The following COL12A1 variants were observed in gnomAD, a reference collection of about 807,000 sequenced individuals.
COL12A1 encodes collagen type XII alpha 1 chain, also known as collagen alpha-1(XII) chain.
In COL12A1, 114 loss-of-function variants were observed where a neutral mutation model predicts 349.7. The ratio of observed to expected loss-of-function variants is 0.33; its 90% CI spans 0.28 to 0.38. The LOEUF (loss-of-function observed/expected upper bound fraction) is 0.38, where lower values mean the gene tolerates loss of function less well. COL12A1 is among the 10% of genes least tolerant of loss of function. COL12A1 has a pLI of 1.00. For synonymous variants in COL12A1, 1,369 were observed against 1,329.0 expected, an observed-to-expected ratio of 1.03 and a Z score of -0.66; for missense variants, 3,284 against 3,756.9, an observed-to-expected ratio of 0.87 and a Z score of 3.29.
chr6:75,176,394 G>A (rs1177873157), intron 12 of COL12A1, among the ~76,000 whole-genome samples: 1 of 151,336 alleles, frequency 6.6e-6, no homozygotes, highest in African/African-American at 2.4e-5. Context: ...TGCAGTGGGA[G>A]GTGGGAGAGT....
At chr6:75,110,993 CTTAGA>C (rs1361524587) in intron 51 of COL12A1, among the ~76,000 whole-genome samples, 3 of 151,876 alleles carry the variant, frequency 2.0e-5, no homozygotes, top group African/African-American at 7.2e-5. Context: ...GATGCTAGAT[CTTAGA>C]TTAAACTGAT....
chr6:75,188,183 G>T (rs1483464519), intron 8 of COL12A1, among the ~76,000 whole-genome samples, 179 bp downstream of exon 8: 1 of 151,742 alleles, frequency 6.6e-6, no homozygotes, highest in Non-Finnish European at 1.5e-5. Context: ...TCCACTAGAA[G>T]GAAAAACAAT....
chr6:75,108,579 G>A lies in COL12A1; in HGVS notation c.8100+439C>T, dbSNP rs116483514. ...ATCCTTTTGATACAGGCAGCCGAATGGCTCCTCTGTGAGCAAATGTGGGCT... is the reference window on the plus strand; with the variant it reads ...ATCCTTTTGATACAGGCAGCCGAATAGCTCCTCTGTGAGCAAATGTGGGCT... On this transcript the variant is annotated intron_variant, in intron 52 of 65. Coordinates refer to ENST00000322507, the MANE Select transcript of COL12A1 (RefSeq NM_004370.6). 2.8e-3 allele frequency among the ~76,000 whole-genome samples: 431 copies of A among 152,274 alleles called. 2 individuals are homozygous for A. The highest frequency in any genetic ancestry group is 9.9e-3 in the African/African-American group (413 of 41,554).
intron 11 of COL12A1, 87 bp downstream of exon 11, chr6:75,180,852 T>C: frequency 6.8e-7 from 1 of 1,478,574 alleles, no homozygotes; most frequent in Non-Finnish European, 9.1e-7. Context: ...TTCTGAACTA[T>C]AAAGCAGATG....
intron 64 of COL12A1, among the ~76,000 whole-genome samples, chr6:75,088,788 CAGG>C (rs1400034242): frequency 6.6e-6 from 1 of 151,776 alleles, no homozygotes; most frequent in Non-Finnish European, 1.5e-5. Flanking sequence ...ATCATGAGGT[CAGG>C]AGATCGAGAC....
At chr6:75,108,025 C>G (rs1768648488) in intron 52 of COL12A1, among the ~76,000 whole-genome samples, 1 of 152,020 alleles carries the variant, frequency 6.6e-6, no homozygotes, top group Admixed American at 6.6e-5. Flanking sequence ...CTATAGAAGC[C>G]AAACAGGCTA....
At chr6:75,134,530 C>T (rs1352095253) in intron 32 of COL12A1, among the ~76,000 whole-genome samples, 196 bp downstream of exon 32, 1 of 151,820 alleles carries the variant, frequency 6.6e-6, no homozygotes, top group Non-Finnish European at 1.5e-5. Flanking sequence ...AAGATCGTGC[C>T]ACTGCACTCC....
chr6:75,167,405 A>C (rs941231499), intron 13 of COL12A1, among the ~76,000 whole-genome samples: 1 of 152,212 alleles, frequency 6.6e-6, no homozygotes, highest in African/African-American at 2.4e-5. Flanking sequence ...ACCTTGCTTG[A>C]AAGCAATTTT....
chr6:75,151,730 G>T, intron 20 of COL12A1, 137 bp downstream of exon 20: 2 of 1,022,188 alleles, frequency 2.0e-6, no homozygotes, highest in Non-Finnish European at 2.8e-6. Flanking sequence ...TAACTTCCTG[G>T]AACATTATTT....
At chr6:75,151,430 T>C in intron 20 of COL12A1, 143 bp from the exon 21 acceptor site, 1 of 666,824 alleles carries the variant, frequency 1.5e-6, no homozygotes, top group Non-Finnish European at 2.4e-6. Context: ...AAAACATACA[T>C]ATTATTTTTC....
At chr6:75,184,573 C>A (rs1437267829) in intron 8 of COL12A1, among the ~76,000 whole-genome samples, 1 of 152,104 alleles carries the variant, frequency 6.6e-6, no homozygotes, top group Admixed American at 6.5e-5. Flanking sequence ...AAAGTGTAAT[C>A]TTTAAAAGAT....
chr6:75,178,087 AT>A, intron 11 of COL12A1, 152 bp from the exon 12 acceptor site: 1 of 695,296 alleles, frequency 1.4e-6, no homozygotes, highest in Non-Finnish European at 2.3e-6. Context: ...TTCTGTACTC[AT>A]TTAGCCAGAG....
In COL12A1 at chr6:75,117,555, T is replaced by C. The variant is rs145346828; in HGVS notation, c.7355-9A>G. On this transcript the variant is annotated splice_polypyrimidine_tract_variant and intron_variant, in intron 46 of 65. Transcript: ENST00000322507. Reference sequence around the variant, plus strand: ...TACAAAGACACTGAACCCTGCAAAGTAGCATTTATAGAATGAATCACGTAT... The same window carrying C: ...TACAAAGACACTGAACCCTGCAAAGCAGCATTTATAGAATGAATCACGTAT... 295 of 1,607,568 alleles carry C rather than the reference T, an allele frequency of 1.8e-4. No individual in the cohort carries two copies. In the African/African-American group the frequency reaches 3.5e-3, roughly 19 times the overall value.
Position 75,133,392 on chromosome 6 carries a change from T to G in COL12A1, c.5695A>C (p.Ile1899Leu). ...GTATCTGGCTGCAGATTCCTAAGAA[T>G]GGCATAATTGGTATTCCCGGGGATT... ...VPIPGNTNYAILRNLQPDTSY... is the reference protein window; with the variant it reads ...VPIPGNTNYALLRNLQPDTSY... The change falls in exon 34 of 66, where the codon ATT becomes CTT. Residue 1899 changes from isoleucine (I) to leucine (L), a missense_variant. Physicochemically the swap from Ile to Leu is conservative, Grantham distance 5. Around this residue, in one of 2 missense-constraint regions of COL12A1, gnomAD observed 2,601 missense variants for 2,824.8 expected, o/e 0.92. Coordinates refer to ENST00000322507, the MANE Select transcript of COL12A1 (RefSeq NM_004370.6). 1 of 1,612,610 alleles carries G rather than the reference T, an allele frequency of 6.2e-7. No individual in the cohort carries two copies. Among genetic ancestry groups the G allele is most frequent in the South Asian group, 1.1e-5 (1 of 90,554 alleles).
intron 8 of COL12A1, 56 bp downstream of exon 8, chr6:75,188,306 A>G: frequency 6.0e-6 from 9 of 1,510,514 alleles, no homozygotes; most frequent in Non-Finnish European, 8.0e-6. Context: ...GATAACTATA[A>G]ATACTCAAAC....
At chr6:75,128,748 T>C (rs981776275) in intron 37 of COL12A1, among the ~76,000 whole-genome samples, 1 of 152,180 alleles carries the variant, frequency 6.6e-6, no homozygotes, top group African/African-American at 2.4e-5. Flanking sequence ...CAGCACTCAG[T>C]AGTAAGTTTG....
chr6:75,186,560 C>T (rs916977761), intron 8 of COL12A1, among the ~76,000 whole-genome samples: 2 of 152,128 alleles, frequency 1.3e-5, no homozygotes. Flanking sequence ...GACAGTGCAG[C>T]AATTCCTCAA....
At chr6:75,114,120 C>T (rs956048884) in intron 49 of COL12A1, among the ~76,000 whole-genome samples, 4 of 151,760 alleles carry the variant, frequency 2.6e-5, no homozygotes, top group Non-Finnish European at 5.9e-5. Flanking sequence ...GAATGATAAA[C>T]ATTATGACTA....
At chr6:75,187,159 T>TAA (rs1473477332) in intron 8 of COL12A1, among the ~76,000 whole-genome samples, 1 of 5,262 alleles carries the variant, frequency 1.9e-4, no homozygotes, top group African/African-American at 2.5e-4. Context: ...AATAAATAAA[T>TAA]ATATATATAT....
Sources: allele counts gnomAD v4.1 joint callset (sites outside exome capture counted in the v4.1 genomes callset), GRCh38; gene constraint gnomAD v4.1.1; regional missense constraint gnomAD v4.1.1; transcripts MANE v1.5; gene names NCBI Gene and HGNC (gene_info 2026-07-23, HGNC 2026-07-21).